POU2F2: variants seen among roughly 807,000 people sequenced by gnomAD.
POU2F2 encodes POU class 2 homeobox 2.
POU2F2 carries 14 observed loss-of-function variants against 63.5 expected under a neutral mutation model. The observed-to-expected ratio is 0.22, with a 90% CI of 0.15 to 0.34. The LOEUF is 0.34. POU2F2 is among the 10% of genes least tolerant of loss of function. The pLI is 1.00. For synonymous variants in POU2F2, 306 were observed against 348.6 expected, an observed-to-expected ratio of 0.88 and a Z score of 1.36; for missense variants, 607 against 815.2, an observed-to-expected ratio of 0.74 and a Z score of 3.11.
At chr19:42,151,622 G>A (rs965031478) in intron 2 of POU2F2, among the ~76,000 whole-genome samples, 2 of 152,224 alleles carry the variant, frequency 1.3e-5, no homozygotes, top group African/African-American at 4.8e-5. Context: ...GGATGGGGGT[G>A]GGGGGAAACT....
At chr19:42,197,265 C>T (rs544443063), upstream of POU2F2, among the ~76,000 whole-genome samples, 3 of 152,302 alleles carry the variant, frequency 2.0e-5, no homozygotes, top group East Asian at 5.8e-4. Context: ...TCTCTCAGTC[C>T]ATTTCACATC....
At chr19:42,163,325 C>T (rs1051535239) in intron 1 of POU2F2, among the ~76,000 whole-genome samples, 1 of 152,012 alleles carries the variant, frequency 6.6e-6, no homozygotes. Flanking sequence ...AGGAGGCCCA[C>T]GAGATGAGCC....
At chr19:42,154,567 G>C (rs1185396408) in intron 2 of POU2F2, among the ~76,000 whole-genome samples, 1 of 152,114 alleles carries the variant, frequency 6.6e-6, no homozygotes, top group Non-Finnish European at 1.5e-5. Flanking sequence ...GGGGGCCAGA[G>C]GCAGGGAGAA....
chr19:42,159,844 T>G (rs1430150813), intron 2 of POU2F2, among the ~76,000 whole-genome samples: 2 of 152,190 alleles, frequency 1.3e-5, no homozygotes, highest in Non-Finnish European at 2.9e-5. Flanking sequence ...CTTTGACAGA[T>G]GGGGAAACTG....
At chr19:42,147,987 C>T (rs911813840) in intron 2 of POU2F2, among the ~76,000 whole-genome samples, 24 of 152,210 alleles carry the variant, frequency 1.6e-4, no homozygotes, top group African/African-American at 5.8e-4. Flanking sequence ...CATGGTGAGT[C>T]CATGGAAGAG....
In POU2F2 at chr19:42,095,755, G is replaced by A. The variant is rs1219985027; in HGVS notation, c.871+33C>T. The A allele has an allele frequency of 6.2e-7, 1 of 1,613,400 alleles. No individual in the cohort carries two copies. The highest frequency in any genetic ancestry group is 1.3e-5 in the African/African-American group (1 of 75,030). The stretch of plus-strand genomic sequence containing the variant: ...CTCCCGCGGCCAGCGGCCACTGCCC[G>A]CCCCCTACGCGGGAACCCCAGCCTG... On this transcript the variant is annotated intron_variant, in intron 9 of 14. Coordinates refer to ENST00000692977, the MANE Select transcript of POU2F2 (RefSeq NM_001394376.1). This position sits in a 1 kb window ranked among gnomAD's most constrained non-coding sequence, Gnocchi z 7.1.
At chr19:42,176,722 C>T (rs541185145), upstream of POU2F2, among the ~76,000 whole-genome samples, 1 of 151,432 alleles carries the variant, frequency 6.6e-6, no homozygotes, top group Admixed American at 6.6e-5. Flanking sequence ...GCTGACCCCC[C>T]CCATCCCCAA....
chr19:42,172,761 C>T (rs1443682276), intron 1 of POU2F2, among the ~76,000 whole-genome samples: 11 of 152,178 alleles, frequency 7.2e-5, no homozygotes, highest in East Asian at 1.9e-4. Context: ...TAAAGCGAGA[C>T]CCACATCCTT....
intron 2 of POU2F2, among the ~76,000 whole-genome samples, chr19:42,150,288 T>C (rs944473033): frequency 2.0e-5 from 3 of 150,834 alleles, no homozygotes; most frequent in Admixed American, 6.6e-5. Flanking sequence ...GAGGCCTAGA[T>C]GGGGGGTGGA....
chr19:42,097,064 A>C lies in POU2F2; in HGVS notation c.568-821T>G, dbSNP rs377468754. ...AGATTTACAAAAAAGCAACAGCTCT[A>C]TCTGGGATTCTTCATTGCCCTAACA... On this transcript the variant is annotated intron_variant, in intron 7 of 14. Transcript: ENST00000692977. Among the ~76,000 whole-genome samples, 68 of 152,206 alleles carry C rather than the reference A, an allele frequency of 4.5e-4. 1 individual carries two copies. The South Asian group carries it at 0.014, about 31-fold the overall frequency.
chr19:42,168,819 T>C (rs867895007), intron 1 of POU2F2, among the ~76,000 whole-genome samples: 1 of 152,218 alleles, frequency 6.6e-6, no homozygotes, highest in Non-Finnish European at 1.5e-5. Flanking sequence ...TTGTGCCTGA[T>C]GTCAAGCTTA....
At chr19:42,118,557 G>A (rs367920188) in intron 4 of POU2F2, among the ~76,000 whole-genome samples, 5 of 152,358 alleles carry the variant, frequency 3.3e-5, no homozygotes, top group South Asian at 4.1e-4. Context: ...TTCAGCCTCC[G>A]CTCCTGAGGT....
At position 42,090,076 on chromosome 19, in the gene POU2F2, G is replaced by A. The variant is rs973226980; in HGVS notation, c.*1181C>T. On this transcript the variant is annotated 3_prime_UTR_variant, in exon 15 of 15. Transcript: ENST00000692977. This position sits in a 1 kb window ranked among gnomAD's most constrained non-coding sequence, Gnocchi z 4.4. ...TGGGGTGTGTGCGTGCGTGCATGTG[G>A]GGGGAGGGAGAGGCATTCGCCAGTA... The A allele has an allele frequency of 6.6e-6, 1 of 152,654 alleles. No individual in the cohort carries two copies. The highest frequency in any genetic ancestry group is 1.5e-5 in the Non-Finnish European group (1 of 68,086). The allele number at this position is 152,654 out of a possible 1,614,324, so 9.5% of individuals were successfully genotyped here. A position where few individuals can be genotyped will look rare whatever the true frequency, so the allele number is the denominator to read the frequency against.
intron 1 of POU2F2, among the ~76,000 whole-genome samples, chr19:42,167,702 G>A (rs1229600621): frequency 1.3e-5 from 2 of 152,202 alleles, no homozygotes; most frequent in East Asian, 3.9e-4. Context: ...CAAGAAAGAT[G>A]TTCTAAGTGT....
intron 5 of POU2F2, among the ~76,000 whole-genome samples, chr19:42,107,819 T>A (rs1221038724): frequency 1.3e-5 from 2 of 152,192 alleles, no homozygotes; most frequent in Non-Finnish European, 2.9e-5. Context: ...ACATTTGTGG[T>A]ATAATCCAGA....
rs2032742178 is a variant in POU2F2, at chr19:42,122,397, G to A, written c.95-19C>T. The A allele has an allele frequency of 2.3e-5, 37 of 1,612,858 alleles. No homozygotes were observed. The highest frequency in any genetic ancestry group is 3.0e-5 in the Non-Finnish European group (35 of 1,179,612). On this transcript the variant is annotated intron_variant, in intron 2 of 14. Transcript: ENST00000692977. ...TCGGTGTCTGCAAAGAGAGGGAAAGGATGTGTTGTCATCAGCCACCCCCAC... is the reference window on the plus strand; with the variant it reads ...TCGGTGTCTGCAAAGAGAGGGAAAGAATGTGTTGTCATCAGCCACCCCCAC...
At position 42,086,991 on chromosome 19, in the gene POU2F2, G is replaced by A. The variant is rs925666091; in HGVS notation, c.*4266C>T. On this transcript the variant is annotated 3_prime_UTR_variant, in exon 15 of 15. Transcript: ENST00000692977. Reference sequence around the variant, plus strand: ...CTTTGTTTCCGCCTTTGTCATCGTCGTCTTGCTTTGGAGACTGCTGAGGTC... The same window carrying A: ...CTTTGTTTCCGCCTTTGTCATCGTCATCTTGCTTTGGAGACTGCTGAGGTC... The A allele has an allele frequency of 3.3e-5, 5 of 152,036 alleles. No homozygotes were observed. The highest frequency in any genetic ancestry group is 5.9e-5 in the Non-Finnish European group (4 of 68,012). 9.4% of individuals were successfully genotyped at this position (152,036 alleles called of 1,614,324 possible).
intron 1 of POU2F2, among the ~76,000 whole-genome samples, chr19:42,129,665 T>C (rs2033527324): frequency 6.6e-6 from 1 of 152,134 alleles, no homozygotes; most frequent in Non-Finnish European, 1.5e-5. Flanking sequence ...GGAGCCCCTG[T>C]GGGCAGGTTG....
chr19:42,130,165 C>T (rs994440855), intron 1 of POU2F2, among the ~76,000 whole-genome samples: 78 of 152,074 alleles, frequency 5.1e-4, no homozygotes, highest in Admixed American at 1.4e-3. Flanking sequence ...ATACACCCTC[C>T]CCCTACATAC....
Sources: allele counts gnomAD v4.1 joint callset (sites outside exome capture counted in the v4.1 genomes callset), GRCh38; gene constraint gnomAD v4.1.1; non-coding constraint Gnocchi (gnomAD v3.1); transcripts MANE v1.5; gene names NCBI Gene and HGNC (gene_info 2026-07-23, HGNC 2026-07-21).